ARSB: variants seen among roughly 807,000 people sequenced by gnomAD.
The protein encoded by ARSB is N-acetylgalactosamine-4-sulfatase.
A neutral mutation model predicts 50.9 loss-of-function variants in ARSB; 41 were observed. The observed-to-expected ratio is 0.81, with a 90% CI of 0.63 to 1.04. ARSB has a LOEUF of 1.04. Ranked by LOEUF, ARSB falls within the 50% of genes least tolerant of loss-of-function variation. The pLI is 0.00. For synonymous variants in ARSB, 269 were observed against 284.8 expected (o/e 0.94, Z 0.56); for missense variants, 672 against 693.3 (o/e 0.97, Z 0.35).
At chr5:78,841,132 GTACTAC>G (rs71613989) in intron 5 of ARSB, among the ~76,000 whole-genome samples, 12 of 134,680 alleles carry the variant, frequency 8.9e-5, no homozygotes, top group East Asian at 2.0e-4. Context: ...GACCTGGTCT[GTACTAC>G]TACTACTACT....
At chr5:78,867,437 A>G (rs1207418130) in intron 5 of ARSB, among the ~76,000 whole-genome samples, 1 of 152,180 alleles carries the variant, frequency 6.6e-6, no homozygotes, top group East Asian at 1.9e-4. Flanking sequence ...CCTTGAAGAG[A>G]GCAGTGGTTC....
intron 6 of ARSB, among the ~76,000 whole-genome samples, chr5:78,811,161 C>T (rs1453631328): frequency 6.6e-6 from 1 of 152,188 alleles, no homozygotes; most frequent in Non-Finnish European, 1.5e-5. Flanking sequence ...TCCAACTGGA[C>T]TGCAGTTGCT....
chr5:78,978,368 G>C (rs904522204), intron 1 of ARSB, among the ~76,000 whole-genome samples: 1 of 148,456 alleles, frequency 6.7e-6, no homozygotes, highest in African/African-American at 2.5e-5. Context: ...TAAATAAACA[G>C]AAAGACATCT....
chr5:78,973,255 G>T (rs1561535651), intron 1 of ARSB, among the ~76,000 whole-genome samples: 1 of 152,174 alleles, frequency 6.6e-6, no homozygotes, highest in African/African-American at 2.4e-5. Context: ...AATGGAGAAG[G>T]TTCTACATGT....
At chr5:78,939,450 A>T (rs1750792493) in intron 4 of ARSB, among the ~76,000 whole-genome samples, 1 of 151,752 alleles carries the variant, frequency 6.6e-6, no homozygotes, top group South Asian at 2.1e-4. Flanking sequence ...ACCCCACAAC[A>T]GGCCCCGGTG....
chr5:78,822,757 C>T (rs1372979155), intron 6 of ARSB, among the ~76,000 whole-genome samples: 1 of 152,128 alleles, frequency 6.6e-6, no homozygotes, highest in Non-Finnish European at 1.5e-5. Context: ...CCTGCCTCAG[C>T]CTCCTGAGTA....
chr5:78,968,692 A>T (rs560869285), intron 2 of ARSB, among the ~76,000 whole-genome samples: 1 of 152,280 alleles, frequency 6.6e-6, no homozygotes, highest in East Asian at 1.9e-4. Flanking sequence ...TTAAAAAAAT[A>T]AAAAATCAAT....
intron 6 of ARSB, among the ~76,000 whole-genome samples, chr5:78,806,652 G>A (rs1477807229): frequency 6.6e-6 from 1 of 152,154 alleles, no homozygotes; most frequent in Non-Finnish European, 1.5e-5. Flanking sequence ...ACTCTACATT[G>A]ACCTGATGAC....
At chr5:78,935,863 C>T (rs1750556527) in intron 4 of ARSB, among the ~76,000 whole-genome samples, 1 of 151,954 alleles carries the variant, frequency 6.6e-6, no homozygotes. Context: ...CCATCTGCCT[C>T]CTGAGTATTT....
At chr5:78,877,683 C>G (rs891461342) in intron 5 of ARSB, among the ~76,000 whole-genome samples, 1 of 152,126 alleles carries the variant, frequency 6.6e-6, no homozygotes, top group African/African-American at 2.4e-5. Context: ...GCCACCACAC[C>G]CTGCCTAGCT....
intron 5 of ARSB, among the ~76,000 whole-genome samples, chr5:78,848,783 C>G (rs1261422053): frequency 5.3e-5 from 8 of 152,184 alleles, no homozygotes; most frequent in Non-Finnish European, 8.8e-5. Flanking sequence ...GAGACGGTAT[C>G]TCATTGTGGT....
chr5:78,931,079 G>T (rs879469525), intron 4 of ARSB, among the ~76,000 whole-genome samples: 4 of 152,214 alleles, frequency 2.6e-5, no homozygotes, highest in Non-Finnish European at 4.4e-5. Flanking sequence ...AGGCTAGCCC[G>T]GGAAATCTCT....
At chr5:78,947,544 T>C (rs938772891) in intron 4 of ARSB, among the ~76,000 whole-genome samples, 7 of 152,158 alleles carry the variant, frequency 4.6e-5, no homozygotes, top group Admixed American at 3.3e-4. Context: ...CTCAACATGA[T>C]TGGCTATCAG....
At chr5:78,869,313 C>T (rs1456162985) in intron 5 of ARSB, among the ~76,000 whole-genome samples, 2 of 135,630 alleles carry the variant, frequency 1.5e-5, no homozygotes, top group African/African-American at 5.6e-5. Flanking sequence ...CCAAGCGGAC[C>T]TAATAGACAT....
chr5:78,929,498 G>T (rs1410481577), intron 4 of ARSB, among the ~76,000 whole-genome samples: 1 of 151,944 alleles, frequency 6.6e-6, no homozygotes, highest in Non-Finnish European at 1.5e-5. Context: ...TGTGCTTTAA[G>T]AGAGGAGACT....
At chr5:78,877,006 C>T (rs773977637) in intron 5 of ARSB, among the ~76,000 whole-genome samples, 2 of 152,120 alleles carry the variant, frequency 1.3e-5, no homozygotes, top group African/African-American at 2.4e-5. Flanking sequence ...CAACCCTGGT[C>T]GGTGGAAAAA....
At chr5:78,968,903 G>A in intron 2 of ARSB, 103 bp downstream of exon 2, 2 of 1,324,860 alleles carry the variant, frequency 1.5e-6, no homozygotes, top group Non-Finnish European at 2.2e-6. Context: ...GATTCACTCT[G>A]TGTTCAAATA....
At chr5:78,873,736 C>A (rs1016350005) in intron 5 of ARSB, among the ~76,000 whole-genome samples, 1 of 151,690 alleles carries the variant, frequency 6.6e-6, no homozygotes, top group Admixed American at 6.6e-5. Context: ...ACCTTGTGAT[C>A]CGCCCGCCTC....
rs771166433 is a variant in ARSB, at chr5:78,780,361, C to A, written c.*36G>T. On this transcript the variant is annotated 3_prime_UTR_variant, in exon 8 of 8. Coordinates refer to ENST00000264914, the MANE Select transcript of ARSB (RefSeq NM_000046.5). The stretch of plus-strand genomic sequence containing the variant: ...TCGTGAGAAAAGGCCTGAGGTCCAA[C>A]TTCCAATTGAAAGGTTTTCTAGCCT... The A allele has an allele frequency of 6.2e-7, 1 of 1,612,740 alleles. No individual in the cohort carries two copies. Among genetic ancestry groups the A allele is most frequent in the South Asian group, 1.1e-5 (1 of 91,022 alleles).
Sources: gnomAD v4.1 joint callset for allele counts (sites outside exome capture counted in the v4.1 genomes callset) on GRCh38, gnomAD v4.1.1 for gene constraint, MANE v1.5 for transcripts, NCBI Gene and HGNC (gene_info 2026-07-23, HGNC 2026-07-21) for gene names.